The following CFAP74 variants were observed in gnomAD, a reference collection of about 807,000 sequenced individuals.
The protein encoded by CFAP74 is cilia and flagella associated protein 74.
A neutral mutation model predicts 188.9 loss-of-function variants in CFAP74; 124 were observed. That is an observed-to-expected ratio of 0.66 (90% confidence interval 0.57 to 0.76). The LOEUF is 0.76. Among genes scored for constraint, CFAP74 ranks in the 30% least tolerant of loss-of-function variants. The pLI, the probability that CFAP74 is intolerant of heterozygous loss-of-function variation, is 0.00. For synonymous variants in CFAP74, 956 were observed against 916.7 expected (o/e 1.04, Z -0.77); for missense variants, 2,198 against 2,165.2 (o/e 1.02, Z -0.30).
In CFAP74 at chr1:1,968,490, C is replaced by T. The variant is rs146490438; in HGVS notation, c.1245+145G>A. The T allele has an allele frequency of 6.4e-3, 4,381 of 688,238 alleles. 160 individuals carry two copies. The East Asian group carries it at 0.083, about 13-fold the overall frequency. 42.6% of individuals were successfully genotyped at this position (688,238 alleles called of 1,614,324 possible). ...GTCCCCTTGTCCTTGAGCTGAGTGG[C>T]GGCCACTCAGCGGGCTCAGCAACCC... On this transcript the variant is annotated intron_variant, in intron 11 of 38. Coordinates refer to ENST00000682832, the MANE Select transcript of CFAP74 (RefSeq NM_001304360.2). The surrounding 1 kb of genome is among the most constrained non-coding windows in gnomAD (Gnocchi z 4.3).
At chr1:1,972,707 A>G (rs543855497) in intron 8 of CFAP74, among the ~76,000 whole-genome samples, 1 of 152,168 alleles carries the variant, frequency 6.6e-6, no homozygotes, top group African/African-American at 2.4e-5. Context: ...TTAGCCGGGC[A>G]TGGTGGCGCG....
chr1:1,926,855 C>T (rs768436796), intron 29 of CFAP74, 39 bp downstream of exon 29: 49 of 1,549,138 alleles, frequency 3.2e-5, no homozygotes, highest in Admixed American at 7.9e-5. Flanking sequence ...AGCGCGTTTG[C>T]GGCTGACCAC....
In CFAP74 at chr1:1,964,785, A is replaced by G. The variant is rs554535409; in HGVS notation, c.1575+103T>C. 1.2e-4 allele frequency: 152 copies of G among 1,257,000 alleles called. No homozygotes were observed. The South Asian group carries it at 1.9e-3, about 16-fold the overall frequency. 77.9% of individuals were successfully genotyped at this position (1,257,000 alleles called of 1,614,324 possible). On this transcript the variant is annotated intron_variant, in intron 13 of 38. Transcript: ENST00000682832. The stretch of plus-strand genomic sequence containing the variant: ...AGCCTGGGCGACAGAGTGAGACTCC[A>G]TCTCAAAAAAAAGCAAAAGGTGTCA...
At chr1:1,961,220 G>T (rs556317340) in intron 14 of CFAP74, among the ~76,000 whole-genome samples, 1 of 152,328 alleles carries the variant, frequency 6.6e-6, no homozygotes, top group East Asian at 1.9e-4. Context: ...GAGAATGAAT[G>T]GGGGAGGGGC....
chr1:1,971,066 C>T (rs6675081), intron 9 of CFAP74, among the ~76,000 whole-genome samples: 14,456 of 139,482 alleles, frequency 0.1, 2,686 homozygotes, highest in African/African-American at 0.39. Flanking sequence ...TGCTCACACA[C>T]GCACACCTGC....
Position 1,968,591 on chromosome 1 carries a change from C to T in CFAP74, c.1245+44G>A. ...TGAGCCCTGAGGCCCCACCTGCCCT[C>T]CACAGGTGTGCGGCTTCTGTCTACA... On this transcript the variant is annotated intron_variant, in intron 11 of 38. Transcript: ENST00000682832. This position sits in a 1 kb window ranked among gnomAD's most constrained non-coding sequence, Gnocchi z 4.3. 1.3e-6 allele frequency: 2 copies of T among 1,559,160 alleles called. No homozygotes were observed. The highest frequency in any genetic ancestry group is 2.2e-5 in the East Asian group (1 of 44,518).
Position 1,973,967 on chromosome 1 carries a change from C to T in CFAP74, c.674+58G>A, listed in dbSNP as rs111242673. Reference sequence around the variant, plus strand: ...ATCTGGAGACCCCTGGGGGAGAGGGCGGAGGGGCTGGCAGAAGCTGCTGGG... The same window carrying T: ...ATCTGGAGACCCCTGGGGGAGAGGGTGGAGGGGCTGGCAGAAGCTGCTGGG... On this transcript the variant is annotated intron_variant, in intron 7 of 38. Coordinates refer to ENST00000682832, the MANE Select transcript of CFAP74 (RefSeq NM_001304360.2). This position sits in a 1 kb window ranked among gnomAD's most constrained non-coding sequence, Gnocchi z 6.2. 4,933 of 1,444,542 alleles carry T rather than the reference C, an allele frequency of 3.4e-3. 161 individuals carry two copies. The East Asian group carries it at 0.08, about 23-fold the overall frequency. The allele number at this position is 1,444,542 out of a possible 1,614,324, so 89.5% of individuals were successfully genotyped here.
chr1:1,989,173 A>T (rs1465371689), intron 2 of CFAP74, among the ~76,000 whole-genome samples, 200 bp from the exon 3 acceptor site: 2 of 152,268 alleles, frequency 1.3e-5, no homozygotes, highest in Admixed American at 6.5e-5. Flanking sequence ...AGAGAGAGAG[A>T]GAGTCAGGGA....
At chr1:1,929,915 G>C (rs922026080) in intron 26 of CFAP74, 145 bp downstream of exon 26, 5 of 940,532 alleles carry the variant, frequency 5.3e-6, no homozygotes, top group African/African-American at 5.0e-5. Context: ...GGCCCTGCTC[G>C]GGTCTGAGGG....
intron 6 of CFAP74, among the ~76,000 whole-genome samples, chr1:1,979,482 T>C (rs1268849022): frequency 1.5e-5 from 2 of 137,196 alleles, no homozygotes; most frequent in East Asian, 2.2e-4. Context: ...ACGCGTGTGG[T>C]ACTGAGCTGG....
chr1:1,983,046 G>A (rs1431858017), intron 6 of CFAP74, among the ~76,000 whole-genome samples: 1 of 152,316 alleles, frequency 6.6e-6, no homozygotes, highest in South Asian at 2.1e-4. Flanking sequence ...ACCGCCAAAC[G>A]CAAGGCGGCT....
At chr1:1,986,356 G>A (rs1156848766) in intron 5 of CFAP74, among the ~76,000 whole-genome samples, 1 of 152,174 alleles carries the variant, frequency 6.6e-6, no homozygotes, top group African/African-American at 2.4e-5. Context: ...ACCCCCCAGG[G>A]CCGGGAGGAC....
In CFAP74 at chr1:1,955,519, C is replaced by CTGG. The variant is rs754159136; in HGVS notation, c.2176+171_2176+172insCCA. ...TGTACATTTTCGTCCACTCCAAAAA[C>CTGG]AACACTTAGTGGCACATAAGAATAT... On this transcript the variant is annotated intron_variant, in intron 18 of 38. Coordinates refer to ENST00000682832, the MANE Select transcript of CFAP74 (RefSeq NM_001304360.2). 9 of 1,608,940 alleles carry CTGG rather than the reference C, an allele frequency of 5.6e-6. No homozygotes were observed. The Admixed American group carries it at 1.5e-4, about 27-fold the overall frequency.
At chr1:1,961,406 T>A (rs1655081030) in intron 14 of CFAP74, among the ~76,000 whole-genome samples, 1 of 151,776 alleles carries the variant, frequency 6.6e-6, no homozygotes, top group Non-Finnish European at 1.5e-5. Context: ...CCAGGTATCC[T>A]CCAAAAAAAC....
chr1:2,003,270 G>A lies in CFAP74; in HGVS notation c.-20+431C>T, dbSNP rs568380281. On this transcript the variant is annotated intron_variant, in intron 1 of 38. Coordinates refer to ENST00000682832, the MANE Select transcript of CFAP74 (RefSeq NM_001304360.2). ...AGTACCTGGCTTATGCAGATAAAAGGAGTATTCCTTTAAGAAAAACAAAAT... is the reference window on the plus strand; with the variant it reads ...AGTACCTGGCTTATGCAGATAAAAGAAGTATTCCTTTAAGAAAAACAAAAT... Among the ~76,000 whole-genome samples the A allele has an allele frequency of 7.2e-5, 11 of 152,294 alleles. No homozygotes were observed. The South Asian group carries it at 2.3e-3, about 32-fold the overall frequency.
chr1:1,982,196 A>G (rs1343950759), intron 6 of CFAP74, among the ~76,000 whole-genome samples: 1 of 151,232 alleles, frequency 6.6e-6, no homozygotes, highest in Non-Finnish European at 1.5e-5. Flanking sequence ...GGGGACACGC[A>G]GGACACCCAG....
intron 6 of CFAP74, among the ~76,000 whole-genome samples, chr1:1,976,655 G>A (rs1402056502): frequency 3.9e-5 from 6 of 152,094 alleles, no homozygotes; most frequent in South Asian, 2.1e-4. Flanking sequence ...CAATTCTCCC[G>A]CCTCAGCCTC....
intron 1 of CFAP74, among the ~76,000 whole-genome samples, chr1:1,991,778 A>C (rs7529662): frequency 2.6e-5 from 4 of 151,924 alleles, no homozygotes; most frequent in Admixed American, 6.6e-5. Context: ...GGTGGCTCAC[A>C]CCTGTAATCC....
chr1:1,926,961 C>G lies in CFAP74; in HGVS notation c.3595G>C (p.Val1199Leu). ...RAFQAKFDTFVVPCVVASGDI... is the reference protein window; with the variant it reads ...RAFQAKFDTFLVPCVVASGDI... Reference sequence around the variant, plus strand: ...CCACTGGCAACAACACAGGGAACTACAAATGTGTCAAACTTCGCCTGGAAC... The same window carrying G: ...CCACTGGCAACAACACAGGGAACTAGAAATGTGTCAAACTTCGCCTGGAAC... The change falls in exon 29 of 39, where the codon GTA (valine) becomes CTA (leucine). Residue 1199 changes from valine to leucine, a missense_variant. Val to Leu is a conservative substitution (Grantham distance 32). Transcript: ENST00000682832. The G allele has an allele frequency of 6.5e-7, 1 of 1,550,300 alleles. No homozygotes were observed. The highest frequency in any genetic ancestry group is 8.7e-7 in the Non-Finnish European group (1 of 1,146,906).
Sources: gnomAD v4.1 joint callset for allele counts (sites outside exome capture counted in the v4.1 genomes callset) on GRCh38, gnomAD v4.1.1 for gene constraint, Gnocchi (gnomAD v3.1) non-coding constraint, MANE v1.5 for transcripts, NCBI Gene and HGNC (gene_info 2026-07-23, HGNC 2026-07-21) for gene names.